DGLUCY: variants seen among roughly 807,000 people sequenced by gnomAD.
DGLUCY encodes the protein D-glutamate cyclase.
Under a neutral mutation model 58.5 loss-of-function variants are expected in DGLUCY, and 58 were observed. The ratio of observed to expected loss-of-function variants is 0.99; its 90% confidence interval spans 0.80 to 1.23. The LOEUF (loss-of-function observed/expected upper bound fraction) is 1.23. DGLUCY is among the 50% of genes most tolerant of loss of function. The pLI is 0.00. For synonymous variants in DGLUCY, 325 were observed against 314.1 expected, an observed-to-expected ratio of 1.03 and a Z score of -0.37; for missense variants, 779 against 784.7, an observed-to-expected ratio of 0.99 and a Z score of 0.09.
intron 1 of DGLUCY, among the ~76,000 whole-genome samples, chr14:91,137,853 G>C (rs2046432637): frequency 6.6e-6 from 1 of 152,094 alleles, no homozygotes; most frequent in African/African-American, 2.4e-5. Context: ...CCTTGGGAGA[G>C]AGGGGAGCAG....
rs754475614 is a variant in DGLUCY at position 91,142,822 on chromosome 14, A to ACACAC, written c.-81-14817_-81-14816insCACAC. On this transcript the variant is annotated intron_variant, in intron 1 of 13. Transcript: ENST00000256324. ...CTACTAAACACACACACACACACAC[A>ACACAC]ACACACCATCTCTACTAAACACACA... 5.2e-4 allele frequency among the ~76,000 whole-genome samples: 22 copies of ACACAC among 41,956 alleles called. 1 individual carries two copies. Among genetic ancestry groups the ACACAC allele is most frequent in the South Asian group, 1.8e-3 (2 of 1,126 alleles). The allele number at this position is 41,956 out of a possible 152,430, so 27.5% of individuals were successfully genotyped here.
At chr14:91,220,105 G>A (rs984887154) in intron 13 of DGLUCY, among the ~76,000 whole-genome samples, 1 of 152,162 alleles carries the variant, frequency 6.6e-6, no homozygotes, top group African/African-American at 2.4e-5. Context: ...CTGTTTCCTA[G>A]GACCAAGTCC....
At chr14:91,060,457 G>C (rs1386962045) in exon 1 of DGLUCY, 4 of 1,420,602 alleles carry the variant, frequency 2.8e-6, no homozygotes, top group African/African-American at 1.5e-5. Context: ...TTCCGATCCC[G>C]CGGGTCGCTA....
At chr14:91,111,621 A>G (rs975726634), upstream of DGLUCY, among the ~76,000 whole-genome samples, 1 of 152,142 alleles carries the variant, frequency 6.6e-6, no homozygotes, top group African/African-American at 2.4e-5. Flanking sequence ...TATCACTCTC[A>G]GATCTTAGCG....
intron 1 of DGLUCY, among the ~76,000 whole-genome samples, chr14:91,077,988 C>T (rs1413446017): frequency 6.6e-6 from 1 of 152,138 alleles, no homozygotes; most frequent in East Asian, 1.9e-4. Context: ...CTTTCTGGTG[C>T]AGTAAACATT....
At chr14:91,218,248 C>T (rs1886887145) in intron 13 of DGLUCY, among the ~76,000 whole-genome samples, 1 of 152,206 alleles carries the variant, frequency 6.6e-6, no homozygotes, top group Non-Finnish European at 1.5e-5. Flanking sequence ...CTGCTTCACA[C>T]ATGATTCCTG....
intron 9 of DGLUCY, among the ~76,000 whole-genome samples, chr14:91,191,582 T>C (rs2049895395): frequency 6.6e-6 from 1 of 152,116 alleles, no homozygotes; most frequent in Non-Finnish European, 1.5e-5. Flanking sequence ...ATTCTCCCTG[T>C]TCCCTCCCAC....
chr14:91,188,944 T>G lies in DGLUCY; in HGVS notation c.969T>G (p.Asp323Glu). The part of the protein sequence containing the change: ...NRGIGHLLCK[D>E]ELLKASLSLS... ...GGATTGGGCACCTGCTCTGTAAAGA[T>G]GAGCTGCTGAAGGCCTCTCTCTCGC... Residue 323 changes from aspartate (D) to glutamate (E), a missense_variant, in exon 9 of 14, where the codon GAT (aspartate) becomes GAG (glutamate). Transcript: ENST00000256324. 3 of 1,614,236 alleles carry G rather than the reference T, an allele frequency of 1.9e-6. No homozygotes were observed. Among genetic ancestry groups the G allele is most frequent in the Non-Finnish European group, 2.5e-6 (3 of 1,180,042 alleles).
intron 8 of DGLUCY, among the ~76,000 whole-genome samples, chr14:91,182,984 A>ATTTAT (rs1555402739): frequency 1.4e-5 from 2 of 138,174 alleles, no homozygotes; most frequent in Admixed American, 7.0e-5. Flanking sequence ...AGTTTAGTTT[A>ATTTAT]TTTATTTTAT....
intron 1 of DGLUCY, among the ~76,000 whole-genome samples, chr14:91,150,815 T>G (rs867603489): frequency 3.3e-5 from 5 of 152,120 alleles, no homozygotes; most frequent in Admixed American, 2.0e-4. Flanking sequence ...CAACATACAG[T>G]TTACCATTTT....
At chr14:91,077,428 G>A (rs199696532) in intron 1 of DGLUCY, among the ~76,000 whole-genome samples, 18 of 148,656 alleles carry the variant, frequency 1.2e-4, no homozygotes, top group African/African-American at 2.2e-4. Flanking sequence ...AGGAGGGAGG[G>A]AGGAAGGAAG....
chr14:91,130,313 TTTTTTTTA>T (rs2140193533), intron 1 of DGLUCY, among the ~76,000 whole-genome samples: 1 of 151,294 alleles, frequency 6.6e-6, no homozygotes, highest in South Asian at 2.1e-4. Context: ...TTCTTTTTTT[TTTTTTTTA>T]GACAGAGTCT....
intron 8 of DGLUCY, 132 bp downstream of exon 8, chr14:91,181,521 T>TGGGC: frequency 2.4e-6 from 2 of 841,660 alleles, no homozygotes; most frequent in Non-Finnish European, 3.7e-6. Flanking sequence ...TAAATGTTGA[T>TGGGC]ACTGCATATA....
intron 1 of DGLUCY, among the ~76,000 whole-genome samples, chr14:91,069,771 A>G (rs1462701616): frequency 7.6e-6 from 1 of 131,010 alleles, no homozygotes; most frequent in Non-Finnish European, 1.7e-5. Context: ...CCAGCTTGAT[A>G]TTTTTCACTT....
At chr14:91,107,260 T>C (rs1274192829), upstream of DGLUCY, among the ~76,000 whole-genome samples, 4 of 152,160 alleles carry the variant, frequency 2.6e-5, no homozygotes, top group African/African-American at 9.7e-5. Context: ...GGCTCACACC[T>C]GTAATCCCGG....
chr14:91,173,210 C>A lies in DGLUCY; in HGVS notation c.457-79C>A, dbSNP rs1423928884. On this transcript the variant is annotated intron_variant, in intron 5 of 13. Transcript: ENST00000256324. ...TCCTCCTTCATTTAGCTGCCTTGAA[C>A]TCTTGGTGCTCAGAGCTTGGATCTG... 19 of 1,518,232 alleles carry A rather than the reference C, an allele frequency of 1.3e-5. No individual in the cohort carries two copies. The Middle Eastern group carries it at 8.7e-4, about 69-fold the overall frequency. The allele number at this position is 1,518,232 out of a possible 1,614,324, so 94.0% of individuals were successfully genotyped here.
chr14:91,105,272 A>ACCACTG (rs1365665609), upstream of DGLUCY, among the ~76,000 whole-genome samples: 1 of 151,928 alleles, frequency 6.6e-6, no homozygotes, highest in Admixed American at 6.6e-5. Flanking sequence ...CCAAAATCTC[A>ACCACTG]CCACTGCACT....
chr14:91,075,269 C>T (rs1334520202), intron 1 of DGLUCY, among the ~76,000 whole-genome samples: 3 of 152,012 alleles, frequency 2.0e-5, no homozygotes, highest in African/African-American at 7.2e-5. Context: ...ACAGGGTTGT[C>T]ACAGTAGCAT....
chr14:91,111,264 C>G (rs9796333), upstream of DGLUCY, among the ~76,000 whole-genome samples: 2,957 of 130,938 alleles, frequency 0.023, 145 homozygotes, highest in African/African-American at 0.077. Flanking sequence ...ATCTATATAT[C>G]TATATCTATC....
Sources: gnomAD v4.1 joint callset for allele counts (sites outside exome capture counted in the v4.1 genomes callset) on GRCh38, gnomAD v4.1.1 for gene constraint, MANE v1.5 for transcripts, NCBI Gene and HGNC (gene_info 2026-07-23, HGNC 2026-07-21) for gene names.